The following PSMB7 variants were observed in gnomAD, a reference collection of about 807,000 sequenced individuals.
PSMB7 encodes the protein proteasome 20S subunit beta 7.
Under a neutral mutation model 28.1 loss-of-function variants are expected in PSMB7, and 5 were observed. That is an observed-to-expected ratio of 0.18 (90% CI 0.09 to 0.37). The LOEUF is 0.37. PSMB7 is among the 10% of genes least tolerant of loss of function. The probability of loss-of-function intolerance (pLI) is 1.00; values close to 1 mark genes in which losing one functional copy is unlikely to be tolerated. For synonymous variants in PSMB7, 122 were observed against 123.7 expected (o/e 0.99, Z 0.09); for missense variants, 275 against 346.2 (o/e 0.79, Z 1.63).
chr9:124,415,190 G>T, intron 1 of PSMB7, 174 bp downstream of exon 1: 1 of 713,714 alleles, frequency 1.4e-6, no homozygotes, highest in Non-Finnish European at 2.3e-6. Flanking sequence ...AGCAGACCCG[G>T]CTTCAGGAGA....
chr9:124,392,362 G>C (rs950790582), intron 5 of PSMB7, among the ~76,000 whole-genome samples: 2 of 152,214 alleles, frequency 1.3e-5, no homozygotes, highest in African/African-American at 4.8e-5. Context: ...CCCTAGCTGG[G>C]CATATCACTC....
chr9:124,378,213 A>G (rs972683079), intron 6 of PSMB7, among the ~76,000 whole-genome samples: 1 of 152,260 alleles, frequency 6.6e-6, no homozygotes, highest in African/African-American at 2.4e-5. Flanking sequence ...AATATTGTGC[A>G]CTATCTGCTG....
At chr9:124,387,644 C>T (rs1830739877) in intron 5 of PSMB7, among the ~76,000 whole-genome samples, 1 of 152,118 alleles carries the variant, frequency 6.6e-6, no homozygotes, top group Non-Finnish European at 1.5e-5. Flanking sequence ...AAATCACTTG[C>T]AAATTAGCTC....
At chr9:124,382,200 C>CTTT (rs1164339420) in intron 6 of PSMB7, among the ~76,000 whole-genome samples, 914 of 55,938 alleles carry the variant, frequency 0.016, 39 homozygotes, top group East Asian at 0.061. Flanking sequence ...TCTCTTTTCT[C>CTTT]TTTTTTTTTT....
chr9:124,392,909 G>A (rs1450058325), intron 5 of PSMB7, among the ~76,000 whole-genome samples: 4 of 152,144 alleles, frequency 2.6e-5, no homozygotes, highest in Non-Finnish European at 5.9e-5. Flanking sequence ...TGTATGCGGC[G>A]ATAACAGAGT....
At chr9:124,397,329 G>A (rs2131171529) in intron 5 of PSMB7, among the ~76,000 whole-genome samples, 1 of 152,364 alleles carries the variant, frequency 6.6e-6, no homozygotes, top group South Asian at 2.1e-4. Flanking sequence ...TTTTAGGGCA[G>A]AAACTGTCCA....
chr9:124,371,017 A>T (rs1284326576), intron 6 of PSMB7, among the ~76,000 whole-genome samples: 1 of 152,122 alleles, frequency 6.6e-6, no homozygotes, highest in African/African-American at 2.4e-5. Context: ...CCCCTTTCTG[A>T]TATCGCACAC....
intron 7 of PSMB7, among the ~76,000 whole-genome samples, chr9:124,354,348 T>C (rs531027965): frequency 2.6e-5 from 4 of 152,292 alleles, no homozygotes; most frequent in African/African-American, 7.2e-5. Flanking sequence ...CTAGAAGATA[T>C]GTATTTGGGC....
At chr9:124,414,729 GTA>G in intron 2 of PSMB7, 111 bp downstream of exon 2, 1 of 808,102 alleles carries the variant, frequency 1.2e-6, no homozygotes, top group Non-Finnish European at 2.1e-6. Context: ...GTCTCCTGAT[GTA>G]TTCTATAGCA....
rs771437953 is a variant in PSMB7, at chr9:124,414,851, C to T, written c.147G>A (p.Val49=). The T allele has an allele frequency of 1.2e-6, 2 of 1,613,948 alleles. No homozygotes were observed. Among genetic ancestry groups the T allele is most frequent in the Non-Finnish European group, 1.7e-6 (2 of 1,179,900 alleles). Residue 49 remains valine, a synonymous_variant, in exon 2 of 8, where the codon GTG becomes GTA. Transcript: ENST00000259457. ...GCCTAACCCGGCTTACCTTATAGAC[C>T]ACCCCAGCGATGGTCGTGCCAGTTT... The part of the protein sequence containing the change: ...VRKTGTTIAG[V]VYKDGIVLGA...
At chr9:124,355,185 C>T (rs547613745) in intron 7 of PSMB7, among the ~76,000 whole-genome samples, 5 of 152,348 alleles carry the variant, frequency 3.3e-5, no homozygotes, top group South Asian at 2.1e-4. Flanking sequence ...CCCAGGACAC[C>T]GATGGGGAGC....
At position 124,413,956 on chromosome 9, in the gene PSMB7, A is replaced by G; in HGVS notation, c.206T>C (p.Val69Ala). Residue 69 changes from valine to alanine, a missense_variant, in exon 3 of 8, where the codon GTT becomes GCT. Transcript: ENST00000259457. ...TATTTTTGAACAGTTCTTGTCAGCAACAACCATCCCTTCAGTTGCTCTTGT... is the reference window on the plus strand; with the variant it reads ...TATTTTTGAACAGTTCTTGTCAGCAGCAACCATCCCTTCAGTTGCTCTTGT... Reference protein sequence around the residue: ...ADTRATEGMVVADKNCSKIHF... With the variant: ...ADTRATEGMVAADKNCSKIHF... 2 of 1,613,580 alleles carry G rather than the reference A, an allele frequency of 1.2e-6. No homozygotes were observed. The highest frequency in any genetic ancestry group is 1.7e-6 in the Non-Finnish European group (2 of 1,179,812).
intron 7 of PSMB7, among the ~76,000 whole-genome samples, chr9:124,355,793 C>T (rs1487859656): frequency 6.6e-6 from 1 of 152,180 alleles, no homozygotes; most frequent in African/African-American, 2.4e-5. Context: ...TCTCTGGCCC[C>T]GTGCTGCCCC....
intron 5 of PSMB7, among the ~76,000 whole-genome samples, chr9:124,399,163 C>G (rs1830873264): frequency 6.6e-6 from 1 of 152,208 alleles, no homozygotes; most frequent in Admixed American, 6.5e-5. Flanking sequence ...GCTAAGGTTT[C>G]TAACACTAAG....
At chr9:124,399,908 C>T (rs970702546) in intron 5 of PSMB7, among the ~76,000 whole-genome samples, 5 of 152,194 alleles carry the variant, frequency 3.3e-5, no homozygotes, top group Non-Finnish European at 7.3e-5. Context: ...TTCTAACAAG[C>T]GAACCTAATC....
Position 124,385,445 on chromosome 9 carries a change from A to G in PSMB7, c.512-789T>C, listed in dbSNP as rs74975983. On this transcript the variant is annotated intron_variant, in intron 5 of 7. Coordinates refer to ENST00000259457, the MANE Select transcript of PSMB7 (RefSeq NM_002799.4). ...CTTTGAATGGATGCAAAAGGCAGCT[A>G]AGCACTCCTTGAAAATTTAAATTTG... Among the ~76,000 whole-genome samples the G allele has an allele frequency of 4.3e-4, 65 of 152,352 alleles. No homozygotes were observed. The East Asian group carries it at 9.6e-3, about 23-fold the overall frequency.
chr9:124,380,536 G>C (rs1365940698), intron 6 of PSMB7, among the ~76,000 whole-genome samples: 2 of 152,076 alleles, frequency 1.3e-5, no homozygotes, highest in African/African-American at 4.8e-5. Context: ...GCAAGATCCT[G>C]TCTTAAAAAG....
chr9:124,408,107 C>G (rs899289912), intron 4 of PSMB7, among the ~76,000 whole-genome samples: 2 of 152,152 alleles, frequency 1.3e-5, no homozygotes, highest in Non-Finnish European at 2.9e-5. Flanking sequence ...AGGCTCAAGT[C>G]ATCCACCATG....
At chr9:124,368,160 T>C (rs1830526157) in intron 6 of PSMB7, among the ~76,000 whole-genome samples, 1 of 151,520 alleles carries the variant, frequency 6.6e-6, no homozygotes, top group Admixed American at 6.6e-5. Context: ...ACTTACTGTG[T>C]GCAGGCTCTG....
Sources: gnomAD v4.1 joint callset for allele counts (sites outside exome capture counted in the v4.1 genomes callset) on GRCh38, gnomAD v4.1.1 for gene constraint, MANE v1.5 for transcripts, NCBI Gene and HGNC (gene_info 2026-07-23, HGNC 2026-07-21) for gene names.